Variants in AMER1 observed in about 807,000 individuals in gnomAD.
AMER1 encodes the protein RP11-403E24.2.
A neutral mutation model predicts 53.0 loss-of-function variants in AMER1; 16 were observed. The ratio of observed to expected loss-of-function variants is 0.30; its 90% CI spans 0.20 to 0.46. The LOEUF (loss-of-function observed/expected upper bound fraction) is 0.46. AMER1 is among the 20% of genes least tolerant of loss of function. The probability of loss-of-function intolerance (pLI) is 1.00; values close to 1 mark genes in which losing one functional copy is unlikely to be tolerated. For synonymous variants in AMER1, 354 were observed against 331.9 expected (o/e 1.07, Z -0.73); for missense variants, 947 against 884.9 (o/e 1.07, Z -0.89).
At position 64,192,427 on chromosome X, in the gene AMER1, G is replaced by T. The variant is rs1034150999; in HGVS notation, c.860C>A (p.Pro287Gln). 3.3e-6 allele frequency: 4 copies of T among 1,209,185 alleles called. No homozygotes were observed. The South Asian group carries it at 5.3e-5, about 16-fold the overall frequency. ...EASSLEEPHS[P>Q]ETGEKVVAGE... The stretch of plus-strand genomic sequence containing the variant: ...TGCTACTACCTTCTCCCCTGTTTCT[G>T]GGCTATGGGGCTCCTCTAGGCTACT... The change falls in exon 2 of 2, where the codon CCA becomes CAA. Residue 287 changes from proline to glutamine, a missense_variant. Coordinates refer to ENST00000374869, the MANE Select transcript of AMER1 (RefSeq NM_152424.4).
In AMER1 at chrX:64,188,053, A is replaced by C. The variant is rs1930142931; in HGVS notation, c.*1826T>G. On this transcript the variant is annotated 3_prime_UTR_variant, in exon 2 of 2. Transcript: ENST00000374869. The stretch of plus-strand genomic sequence containing the variant: ...GCACTGGGCCAACCCCAATCTGAGA[A>C]ATGGTGACAAAGACCAGCATGGACA... 2 of 780,998 alleles carry C rather than the reference A, an allele frequency of 2.6e-6. No homozygotes were observed. The highest frequency in any genetic ancestry group is 4.5e-5 in the African/African-American group (2 of 44,115). The allele number at this position is 780,998 out of a possible 1,213,427, so 64.4% of individuals were successfully genotyped here. A position where few individuals can be genotyped will look rare whatever the true frequency, so the allele number is the denominator to read the frequency against.
In AMER1 at chrX:64,189,949, C is replaced by T. The variant is rs1930204930; in HGVS notation, c.3338G>A (p.Arg1113Lys). The T allele has an allele frequency of 8.3e-7, 1 of 1,206,771 alleles. No homozygotes were observed. Among genetic ancestry groups the T allele is most frequent in the Non-Finnish European group, 1.1e-6 (1 of 893,180 alleles). Residue 1113 changes from arginine (R) to lysine (K), a missense_variant, in exon 2 of 2, where the codon AGG becomes AAG. Arg to Lys is a conservative substitution (Grantham distance 26, BLOSUM62 2). Transcript: ENST00000374869. ...GGCAAGAGAGGCACCTTGCTCAGCCCTCTCCTTTGACAGGTCAAGGCTGGA... is the reference window on the plus strand; with the variant it reads ...GGCAAGAGAGGCACCTTGCTCAGCCTTCTCCTTTGACAGGTCAAGGCTGGA... ...GPSSLDLSKE[R>K]AEQGASLATS...
At position 64,188,821 on chromosome X, in the gene AMER1, AGT is replaced by A; in HGVS notation, c.*1056_*1057del. On this transcript the variant is annotated 3_prime_UTR_variant, in exon 2 of 2. Transcript: ENST00000374869. Reference sequence around the variant, plus strand: ...ACTCCACAAAAACCCCAGCCCCTATAGTCAAGCCTAATTTAGGTTGCTTCTCT... The same window carrying A: ...ACTCCACAAAAACCCCAGCCCCTATACAAGCCTAATTTAGGTTGCTTCTCT... 1.2e-6 allele frequency: 1 copy of A among 806,479 alleles called. No homozygotes were observed. The highest frequency in any genetic ancestry group is 1.5e-6 in the Non-Finnish European group (1 of 671,434). The allele number at this position is 806,479 out of a possible 1,213,427, so 66.5% of individuals were successfully genotyped here.
Position 64,189,351 on chromosome X carries a change from G to A in AMER1, c.*528C>T. On this transcript the variant is annotated 3_prime_UTR_variant, in exon 2 of 2. Transcript: ENST00000374869. ...CCCACTTCCCCAAGCGGGAGGCAAT[G>A]CAGACTTGGCTGCTAATCAGTGGTT... The A allele has an allele frequency of 2.5e-6, 2 of 785,650 alleles. No homozygotes were observed. The highest frequency in any genetic ancestry group is 6.7e-5 in the South Asian group (1 of 14,929). 64.7% of individuals were successfully genotyped at this position (785,650 alleles called of 1,213,427 possible).
chrX:64,192,173 T>A lies in AMER1; in HGVS notation c.1114A>T (p.Met372Leu), dbSNP rs371680913. The change falls in exon 2 of 2, where the codon ATG becomes TTG. Residue 372 changes from methionine to leucine, a missense_variant. Physicochemically the swap from Met to Leu is conservative, Grantham distance 15. Transcript: ENST00000374869. ...TCGTCATCATCATCTGGCAAGGCCA[T>A]CTCCTCCCCACCTCCTTGGTAGGTC... ...LVTYQGGGEE[M>L]ALPDDDDEEE... 3.3e-6 allele frequency: 4 copies of A among 1,211,577 alleles called. No homozygotes were observed. The highest frequency in any genetic ancestry group is 2.3e-4 in the Middle Eastern group (1 of 4,354).
rs777322830 is a variant in AMER1, at chrX:64,189,947, C to T, written c.3340G>A (p.Ala1114Thr). The T allele has an allele frequency of 1.8e-5, 22 of 1,203,923 alleles. No homozygotes were observed. The highest frequency in any genetic ancestry group is 4.5e-6 in the Non-Finnish European group (4 of 892,550). The change falls in exon 2 of 2, where the codon GCT becomes ACT. Residue 1114 changes from alanine (A) to threonine (T), a missense_variant. Ala to Thr is a moderately conservative substitution (Grantham distance 58). Coordinates refer to ENST00000374869, the MANE Select transcript of AMER1 (RefSeq NM_152424.4). ...GTGGCAAGAGAGGCACCTTGCTCAG[C>T]CCTCTCCTTTGACAGGTCAAGGCTG... ...PSSLDLSKER[A>T]EQGASLATSY...
Position 64,186,428 on chromosome X carries a change from GATAT to G in AMER1, c.*3447_*3450del, listed in dbSNP as rs756051704. On this transcript the variant is annotated 3_prime_UTR_variant, in exon 2 of 2. Transcript: ENST00000374869. Reference sequence around the variant, plus strand: ...ATATAAAAATAGATAATTGACTTTTGATATATATATATATATATATTAAAAACAA... The same window carrying G: ...ATATAAAAATAGATAATTGACTTTTGATATATATATATATATTAAAAACAA... The G allele has an allele frequency of 2.3e-4, 145 of 628,366 alleles. No individual in the cohort carries two copies. Among genetic ancestry groups the G allele is most frequent in the Middle Eastern group, 8.0e-4 (1 of 1,246 alleles). The allele number at this position is 628,366 out of a possible 1,213,427, so 51.8% of individuals were successfully genotyped here. A position where few individuals can be genotyped will look rare whatever the true frequency, so the allele number is the denominator to read the frequency against.
intron 1 of AMER1, among the ~76,000 whole-genome samples, chrX:64,199,700 C>A (rs751210194): frequency 9.0e-6 from 1 of 111,335 alleles, no homozygotes; most frequent in Non-Finnish European, 1.9e-5. Flanking sequence ...CCCTCCCTAC[C>A]GCAGCACCCC....
At position 64,187,578 on chromosome X, in the gene AMER1, C is replaced by T. The variant is rs925585828; in HGVS notation, c.*2301G>A. The T allele has an allele frequency of 9.0e-6, 7 of 776,188 alleles. No individual in the cohort carries two copies. The African/African-American group carries it at 1.6e-4, about 18-fold the overall frequency. 64.0% of individuals were successfully genotyped at this position (776,188 alleles called of 1,213,427 possible). A position where few individuals can be genotyped will look rare whatever the true frequency, so the allele number is the denominator to read the frequency against. ...CCCAGATAGGCTGGTGGCCCTTCTC[C>T]AGCAGGGTCTGGAGGCTGGTGATGG... On this transcript the variant is annotated 3_prime_UTR_variant, in exon 2 of 2. Coordinates refer to ENST00000374869, the MANE Select transcript of AMER1 (RefSeq NM_152424.4).
At chrX:64,199,679 C>T (rs1930447781) in intron 1 of AMER1, among the ~76,000 whole-genome samples, 1 of 111,419 alleles carries the variant, frequency 9.0e-6, no homozygotes, top group Non-Finnish European at 1.9e-5. Flanking sequence ...CTTAGCTGAG[C>T]TCCCTCTAGT....
intron 1 of AMER1, among the ~76,000 whole-genome samples, chrX:64,201,492 A>C (rs1206098883): frequency 1.1e-5 from 1 of 89,582 alleles, no homozygotes; most frequent in Non-Finnish European, 2.0e-5. Context: ...CACACACACA[A>C]GGTTTAACTA....
In AMER1 at chrX:64,185,694, G is replaced by C; in HGVS notation, c.*4185C>G. On this transcript the variant is annotated 3_prime_UTR_variant, in exon 2 of 2. Coordinates refer to ENST00000374869, the MANE Select transcript of AMER1 (RefSeq NM_152424.4). ...GCAGGGGAGGGGGAATGGTGGTAGG[G>C]GAGGAGATTCCCCCAAAGCAGCAAG... 5.6e-6 allele frequency: 1 copy of C among 179,784 alleles called. No homozygotes were observed. The highest frequency in any genetic ancestry group is 7.4e-5 in the Admixed American group (1 of 13,599). 14.8% of individuals were successfully genotyped at this position (179,784 alleles called of 1,213,427 possible).
In AMER1 at chrX:64,185,320, T is replaced by C. The variant is rs1930082205; in HGVS notation, c.*4559A>G. On this transcript the variant is annotated 3_prime_UTR_variant, in exon 2 of 2. Coordinates refer to ENST00000374869, the MANE Select transcript of AMER1 (RefSeq NM_152424.4). The stretch of plus-strand genomic sequence containing the variant: ...CAGCCAGGGGCCACACTCCCCTTTC[T>C]GCACTGGGAGAGAAATAACTCTTAC... The C allele has an allele frequency of 6.1e-6, 1 of 163,039 alleles. No homozygotes were observed. The highest frequency in any genetic ancestry group is 3.0e-5 in the African/African-American group (1 of 32,976). 13.4% of individuals were successfully genotyped at this position (163,039 alleles called of 1,213,427 possible).
intron 1 of AMER1, among the ~76,000 whole-genome samples, chrX:64,199,495 CTA>C (rs1054191747): frequency 3.6e-5 from 4 of 112,090 alleles, no homozygotes; most frequent in African/African-American, 1.3e-4. Flanking sequence ...AAAATGCTAT[CTA>C]CCATGCAGGA....
chrX:64,188,852 C>T lies in AMER1; in HGVS notation c.*1027G>A. On this transcript the variant is annotated 3_prime_UTR_variant, in exon 2 of 2. Transcript: ENST00000374869. ...GCCTAATTTAGGTTGCTTCTCTTCC[C>T]TTATCTCAATTAAAAGACCGTGTTC... 2 of 807,031 alleles carry T rather than the reference C, an allele frequency of 2.5e-6. No individual in the cohort carries two copies. The highest frequency in any genetic ancestry group is 3.0e-6 in the Non-Finnish European group (2 of 671,826). The allele number at this position is 807,031 out of a possible 1,213,427, so 66.5% of individuals were successfully genotyped here.
Position 64,189,533 on chromosome X carries a change from TATA to T in AMER1, c.*343_*345del, listed in dbSNP as rs1269140502. ...GTGTGTGTATATATATATATATATA[TATA>T]TATATATATATATATATATATAATC... On this transcript the variant is annotated 3_prime_UTR_variant, in exon 2 of 2. Transcript: ENST00000374869. The T allele has an allele frequency of 1.0e-5, 1 of 98,672 alleles. No individual in the cohort carries two copies. The highest frequency in any genetic ancestry group is 1.1e-4 in the African/African-American group (1 of 8,742). The allele number at this position is 98,672 out of a possible 1,213,427, so 8.1% of individuals were successfully genotyped here.
At position 64,190,542 on chromosome X, in the gene AMER1, G is replaced by A. The variant is rs1045510408; in HGVS notation, c.2745C>T (p.Tyr915=). The A allele has an allele frequency of 5.8e-6, 7 of 1,211,908 alleles. No individual in the cohort carries two copies. The highest frequency in any genetic ancestry group is 7.8e-6 in the Non-Finnish European group (7 of 895,555). ...GGGCCTGCAGCTCATCAGACTCGAG[G>A]TAGCCCTGGACCAAGTGGGAATTGG... ...ELSNSHLVQG[Y]LESDELQAQQ... Residue 915 remains tyrosine (Y), a synonymous_variant, in exon 2 of 2, where the codon TAC becomes TAT. Transcript: ENST00000374869.
intron 1 of AMER1, among the ~76,000 whole-genome samples, chrX:64,195,634 C>T (rs1314478120): frequency 8.9e-6 from 1 of 111,961 alleles, no homozygotes; most frequent in Non-Finnish European, 1.9e-5. Flanking sequence ...ATCTAGGGTG[C>T]ACTCTCCTTA....
At chrX:64,202,643 C>CA (rs1485028946) in intron 1 of AMER1, among the ~76,000 whole-genome samples, 3 of 111,369 alleles carry the variant, frequency 2.7e-5, no homozygotes, top group Non-Finnish European at 5.7e-5. Flanking sequence ...CCTGCAATGC[C>CA]AAAGGGAGGC....
Sources: allele counts gnomAD v4.1 joint callset (sites outside exome capture counted in the v4.1 genomes callset), GRCh38; gene constraint gnomAD v4.1.1; transcripts MANE v1.5; gene names NCBI Gene and HGNC (gene_info 2026-07-23, HGNC 2026-07-21).